URI1: variants seen among roughly 807,000 people sequenced by gnomAD.
The protein encoded by URI1 is URI1 prefoldin like chaperone.
Under a neutral mutation model 60.2 loss-of-function variants are expected in URI1, and 39 were observed. The ratio of observed to expected loss-of-function variants is 0.65; its 90% CI spans 0.50 to 0.85. The LOEUF (loss-of-function observed/expected upper bound fraction) is 0.85, where lower values mean the gene tolerates loss of function less well. URI1 is among the 40% of genes least tolerant of loss of function. The probability of loss-of-function intolerance (pLI) is 0.00; values close to 1 mark genes in which losing one functional copy is unlikely to be tolerated. For synonymous variants in URI1, 251 were observed against 236.8 expected (o/e 1.06, Z -0.55); for missense variants, 691 against 665.9 (o/e 1.04, Z -0.42).
At chr19:29,951,128 AGAT>A (rs1020593874) in intron 1 of URI1, among the ~76,000 whole-genome samples, 2 of 152,182 alleles carry the variant, frequency 1.3e-5, no homozygotes, top group African/African-American at 4.8e-5. Context: ...GTGATTACAT[AGAT>A]GATGATGACT....
intron 4 of URI1, among the ~76,000 whole-genome samples, chr19:29,994,868 G>A (rs1485084509): frequency 2.0e-5 from 3 of 150,198 alleles, no homozygotes; most frequent in East Asian, 2.0e-4. Context: ...TGCAGCCTCC[G>A]CCTCCCAGGT....
At chr19:29,995,471 C>G (rs555668294) in intron 4 of URI1, among the ~76,000 whole-genome samples, 7 of 151,042 alleles carry the variant, frequency 4.6e-5, no homozygotes, top group Non-Finnish European at 1.0e-4. Flanking sequence ...ATATTAGTCC[C>G]TTATCAGAAG....
intron 10 of URI1, 119 bp from the exon 11 acceptor site, chr19:30,014,768 C>A: frequency 1.0e-6 from 1 of 988,796 alleles, no homozygotes; most frequent in Non-Finnish European, 1.5e-6. Flanking sequence ...GTAGTGTTGT[C>A]TAGCCAAAAA....
chr19:30,000,658 T>C (rs752225043), intron 4 of URI1, among the ~76,000 whole-genome samples: 2 of 151,994 alleles, frequency 1.3e-5, no homozygotes, highest in Non-Finnish European at 2.9e-5. Context: ...TCTTTGTATA[T>C]AACTTGTTTT....
intron 1 of URI1, among the ~76,000 whole-genome samples, chr19:29,962,719 A>G (rs1025045649): frequency 9.2e-5 from 14 of 151,884 alleles, no homozygotes; most frequent in African/African-American, 3.4e-4. Context: ...ATTTAATAAC[A>G]ATATCTAGTT....
rs528340110 is a variant in URI1, at chr19:29,936,340, C to T, written c.63+12586C>T. 1.7e-3 allele frequency among the ~76,000 whole-genome samples: 257 copies of T among 151,144 alleles called. 1 individual carries two copies. Among genetic ancestry groups the T allele is most frequent in the African/African-American group, 5.9e-3 (243 of 41,230 alleles). ...CTGGTCTCGAACTCCTGACCTCAGG[C>T]GATCTGCCCACCTCGGCCTCCCAAA... is the stretch of plus-strand genomic sequence containing the variant. On this transcript the variant is annotated intron_variant, in intron 1 of 10. Coordinates refer to the URI1 transcript ENST00000360605.
chr19:29,949,210 G>A lies in URI1; in HGVS notation c.117+6546G>A, dbSNP rs537707146. Among the ~76,000 whole-genome samples, 864 of 147,736 alleles carry A rather than the reference G, an allele frequency of 5.8e-3. 10 individuals carry two copies. Among genetic ancestry groups the A allele is most frequent in the African/African-American group, 0.021 (821 of 39,896 alleles). ...TTCCCAGATGGGGCGGCTGCCGGGC[G>A]GAGGGGCTCCTCACTTTTCAGACGG... On this transcript the variant is annotated intron_variant, in intron 1 of 10. Transcript: ENST00000392271.
Position 30,003,253 on chromosome 19 carries a change from C to T in URI1, c.368-2108C>T, listed in dbSNP as rs181211167. On this transcript the variant is annotated intron_variant, in intron 4 of 10. Transcript: ENST00000392271. ...GTGAGCACCAGGTTCGTTTGCCTTGCGGTTGCCCAGCTTTCTTTTGTCTTG... is the reference window on the plus strand; with the variant it reads ...GTGAGCACCAGGTTCGTTTGCCTTGTGGTTGCCCAGCTTTCTTTTGTCTTG... Among the ~76,000 whole-genome samples, 622 of 152,032 alleles carry T rather than the reference C, an allele frequency of 4.1e-3. 4 individuals carry two copies. Among genetic ancestry groups the T allele is most frequent in the African/African-American group, 0.014 (600 of 41,518 alleles).
At chr19:29,933,036 T>C (rs191164631) in intron 1 of URI1, among the ~76,000 whole-genome samples, 172 of 152,348 alleles carry the variant, frequency 1.1e-3, no homozygotes, top group African/African-American at 4.0e-3. Context: ...ATCTTACAAA[T>C]ACGCTGCCAA....
chr19:29,924,540 C>G (rs1302005075), intron 1 of URI1, among the ~76,000 whole-genome samples: 1 of 152,204 alleles, frequency 6.6e-6, no homozygotes, highest in African/African-American at 2.4e-5. Context: ...AATTCCCTCC[C>G]TCCCACTGTG....
chr19:29,996,804 T>C (rs1469583237), intron 4 of URI1, among the ~76,000 whole-genome samples: 1 of 152,052 alleles, frequency 6.6e-6, no homozygotes, highest in Non-Finnish European at 1.5e-5. Context: ...TGAGTTTTTT[T>C]TTTTAATCAT....
chr19:29,942,619 G>T lies in URI1; in HGVS notation c.72G>T (p.Pro24=). Residue 24 remains proline (P), a synonymous_variant, in exon 1 of 11, where the codon CCG becomes CCT. Transcript: ENST00000392271. ...PPSAPAPALV[P]LRAPDVARLR... is the part of the protein sequence containing the mutation. The stretch of plus-strand genomic sequence containing the variant: ...CGGCCCCGGCCCCTGCCCTGGTTCC[G>T]TTGCGCGCCCCGGATGTGGCGCGGC... 7.0e-7 allele frequency: 1 copy of T among 1,438,280 alleles called. No individual in the cohort carries two copies. 89.1% of individuals were successfully genotyped at this position (1,438,280 alleles called of 1,614,324 possible). A position where few individuals can be genotyped will look rare whatever the true frequency, so the allele number is the denominator to read the frequency against.
chr19:29,930,606 G>A lies in URI1; in HGVS notation c.63+6852G>A, dbSNP rs370378913. On this transcript the variant is annotated intron_variant, in intron 1 of 10. Coordinates refer to the URI1 transcript ENST00000360605. ...CTTATTGAATGGTCTTGAAATTCTC[G>A]TCAAAAATCAGTACGCGAGAGGGTT... 8.1e-4 allele frequency among the ~76,000 whole-genome samples: 123 copies of A among 151,576 alleles called. 1 individual carries two copies. Among genetic ancestry groups the A allele is most frequent in the African/African-American group, 2.8e-3 (117 of 41,298 alleles).
chr19:29,962,711 T>A (rs2055342060), intron 1 of URI1, among the ~76,000 whole-genome samples: 1 of 152,096 alleles, frequency 6.6e-6, no homozygotes, highest in Admixed American at 6.6e-5. Context: ...TCACACTTAT[T>A]TAATAACAAT....
chr19:29,971,068 TA>T, intron 1 of URI1, 124 bp from the exon 2 acceptor site: 2 of 899,566 alleles, frequency 2.2e-6, no homozygotes, highest in Non-Finnish European at 1.8e-6. Context: ...ATTTGACAAA[TA>T]AAAATGTATA....
intron 4 of URI1, among the ~76,000 whole-genome samples, chr19:29,987,857 G>A (rs755629345): frequency 4.6e-5 from 7 of 152,048 alleles, no homozygotes; most frequent in Non-Finnish European, 1.0e-4. Context: ...AATTTTCAAA[G>A]TACATATTTC....
At chr19:29,924,714 C>G (rs1175111932) in intron 1 of URI1, among the ~76,000 whole-genome samples, 1 of 152,258 alleles carries the variant, frequency 6.6e-6, no homozygotes, top group Non-Finnish European at 1.5e-5. Flanking sequence ...CAGCAGCACA[C>G]TGACCAGACC....
At chr19:29,989,960 T>C (rs984236443) in intron 4 of URI1, among the ~76,000 whole-genome samples, 84 of 152,178 alleles carry the variant, frequency 5.5e-4, no homozygotes, top group African/African-American at 2.0e-3. Context: ...ACGCTTTACC[T>C]AACCTTAGTT....
intron 4 of URI1, 48 bp downstream of exon 4, chr19:29,986,465 T>G (rs773408808): frequency 6.4e-7 from 1 of 1,574,742 alleles, no homozygotes; most frequent in African/African-American, 1.4e-5. Context: ...ATGTATCCAT[T>G]CACAGATTGC....
Sources: gnomAD v4.1 joint callset for allele counts (sites outside exome capture counted in the v4.1 genomes callset) on GRCh38, gnomAD v4.1.1 for gene constraint, MANE v1.5 for transcripts, NCBI Gene and HGNC (gene_info 2026-07-23, HGNC 2026-07-21) for gene names.